Variants in ZNF585A observed in about 807,000 individuals in gnomAD.
ZNF585A encodes zinc finger protein 585A.
In ZNF585A, 9 loss-of-function variants were observed where a neutral mutation model predicts 14.9. That is an observed-to-expected ratio of 0.60 (90% confidence interval 0.36 to 1.05). The LOEUF (loss-of-function observed/expected upper bound fraction) is 1.05, where lower values mean the gene tolerates loss of function less well. Ranked by LOEUF, ZNF585A falls within the 50% of genes least tolerant of loss-of-function variation. ZNF585A has a pLI of 0.01. For missense variants in ZNF585A, 726 were observed against 926.4 expected (o/e 0.78, Z 2.81); for synonymous variants, 276 against 319.9 (o/e 0.86, Z 1.46).
At chr19:37,163,072 A>AC (rs1001269564) in intron 2 of ZNF585A, among the ~76,000 whole-genome samples, 4 of 151,960 alleles carry the variant, frequency 2.6e-5, no homozygotes. Flanking sequence ...CACACACTGA[A>AC]CCCCCAGCCC....
intron 2 of ZNF585A, among the ~76,000 whole-genome samples, chr19:37,158,032 C>T (rs994922763): frequency 1.6e-4 from 25 of 151,670 alleles, no homozygotes; most frequent in Admixed American, 5.3e-4. Context: ...GGATTACAGG[C>T]GCACGCCACC....
chr19:37,165,734 G>A, intron 2 of ZNF585A: 1 of 811,030 alleles, frequency 1.2e-6, no homozygotes, highest in Non-Finnish European at 1.5e-6. Context: ...AAGCAAGGTT[G>A]AGAATAATTT....
chr19:37,157,646 G>C (rs1351908966), intron 2 of ZNF585A, among the ~76,000 whole-genome samples: 1 of 152,174 alleles, frequency 6.6e-6, no homozygotes, highest in Non-Finnish European at 1.5e-5. Context: ...GCCCAGAAAA[G>C]ACAAGAATAA....
At chr19:37,164,247 C>CA (rs373376204) in intron 2 of ZNF585A, among the ~76,000 whole-genome samples, 2,189 of 151,752 alleles carry the variant, frequency 0.014, 50 homozygotes, top group African/African-American at 0.05. Context: ...ACCAAAAATA[C>CA]AAAAAATTAG....
In ZNF585A at chr19:37,146,008, T is replaced by C. The variant is rs1971738773; in HGVS notation, c.*5581A>G. 6.6e-6 allele frequency: 1 copy of C among 152,220 alleles called. No individual in the cohort carries two copies. The highest frequency in any genetic ancestry group is 6.5e-5 in the Admixed American group (1 of 15,278). 9.4% of individuals were successfully genotyped at this position (152,220 alleles called of 1,614,324 possible). On this transcript the variant is annotated 3_prime_UTR_variant, in exon 5 of 5. Coordinates refer to ENST00000292841, the MANE Select transcript of ZNF585A (RefSeq NM_001288800.2). Reference sequence around the variant, plus strand: ...GAATTAAGTAAAACTGTAAGTGGTATGCTATGGCATGGTGTACGGTATGGT... The same window carrying C: ...GAATTAAGTAAAACTGTAAGTGGTACGCTATGGCATGGTGTACGGTATGGT...
At position 37,147,341 on chromosome 19, in the gene ZNF585A, A is replaced by T. The variant is rs1474436505; in HGVS notation, c.*4248T>A. ...TGGAGAAGCAGAGCACTCTCAGAAC[A>T]GTCGGTGCAAAGGCCCAAAGCCAGA... On this transcript the variant is annotated 3_prime_UTR_variant, in exon 5 of 5. Coordinates refer to ENST00000292841, the MANE Select transcript of ZNF585A (RefSeq NM_001288800.2). 1 of 152,260 alleles carries T rather than the reference A, an allele frequency of 6.6e-6. No homozygotes were observed. Among genetic ancestry groups the T allele is most frequent in the Non-Finnish European group, 1.5e-5 (1 of 68,060 alleles). The allele number at this position is 152,260 out of a possible 1,614,324, so 9.4% of individuals were successfully genotyped here. A position where few individuals can be genotyped will look rare whatever the true frequency, so the allele number is the denominator to read the frequency against.
At chr19:37,164,387 A>G (rs1322233467) in intron 2 of ZNF585A, among the ~76,000 whole-genome samples, 1 of 149,778 alleles carries the variant, frequency 6.7e-6, no homozygotes, top group Non-Finnish European at 1.5e-5. Flanking sequence ...GGGGCGACAC[A>G]GCAAGACACT....
At chr19:37,162,220 G>A (rs560312741) in intron 2 of ZNF585A, among the ~76,000 whole-genome samples, 2 of 152,310 alleles carry the variant, frequency 1.3e-5, no homozygotes, top group Non-Finnish European at 2.9e-5. Flanking sequence ...CACCACGCCC[G>A]GCCTAAAAGT....
intron 1 of ZNF585A, among the ~76,000 whole-genome samples, chr19:37,170,602 G>A (rs1246556271): frequency 6.6e-6 from 1 of 152,190 alleles, no homozygotes; most frequent in African/African-American, 2.4e-5. Context: ...TCCTGCCTCA[G>A]CCTCCCAAGT....
chr19:37,163,765 A>T (rs28418805), intron 2 of ZNF585A, among the ~76,000 whole-genome samples: 1 of 152,042 alleles, frequency 6.6e-6, no homozygotes, highest in Non-Finnish European at 1.5e-5. Flanking sequence ...ACACACAAAA[A>T]CAAAAAAGAA....
intron 1 of ZNF585A, chr19:37,172,317 A>G (rs1437567120): frequency 6.6e-6 from 1 of 152,226 alleles, no homozygotes; most frequent in Non-Finnish European, 1.5e-5. Flanking sequence ...ATATTAAAGA[A>G]GACTGAAAAT....
intron 2 of ZNF585A, among the ~76,000 whole-genome samples, chr19:37,163,558 C>T (rs9676761): frequency 0.11 from 16,784 of 150,994 alleles, 1,747 homozygotes; most frequent in African/African-American, 0.28. Context: ...CAACATGAGA[C>T]GGAAATAAAG....
In ZNF585A at chr19:37,151,686, G is replaced by C; in HGVS notation, c.2213C>G (p.Thr738Arg). ...TDRSNLNKHQ[T>R]THTGDKPYKC... is the part of the protein sequence containing the mutation. Reference sequence around the variant, plus strand: ...GTAGGGTTTGTCTCCAGTGTGTGTTGTCTGATGTTTATTCAAATTGGACCT... The same window carrying C: ...GTAGGGTTTGTCTCCAGTGTGTGTTCTCTGATGTTTATTCAAATTGGACCT... The change falls in exon 5 of 5, where the codon ACA becomes AGA. Residue 738 changes from threonine to arginine, a missense_variant. Coordinates refer to ENST00000292841, the MANE Select transcript of ZNF585A (RefSeq NM_001288800.2). 1 of 1,614,132 alleles carries C rather than the reference G, an allele frequency of 6.2e-7. No homozygotes were observed. Among genetic ancestry groups the C allele is most frequent in the East Asian group, 2.2e-5 (1 of 44,874 alleles).
chr19:37,168,652 G>A (rs1404563228), intron 2 of ZNF585A, among the ~76,000 whole-genome samples: 1 of 152,180 alleles, frequency 6.6e-6, no homozygotes, highest in Non-Finnish European at 1.5e-5. Flanking sequence ...AGGAACAGAA[G>A]TAGAGGTTCA....
At chr19:37,164,258 C>G (rs1370435595) in intron 2 of ZNF585A, among the ~76,000 whole-genome samples, 1 of 151,924 alleles carries the variant, frequency 6.6e-6, no homozygotes. Context: ...AAAAAATTAG[C>G]AGGGCGTGGT....
At position 37,153,381 on chromosome 19, in the gene ZNF585A, A is replaced by C; in HGVS notation, c.518T>G (p.Phe173Cys). The C allele has an allele frequency of 6.2e-7, 1 of 1,613,978 alleles. No individual in the cohort carries two copies. The highest frequency in any genetic ancestry group is 1.3e-5 in the African/African-American group (1 of 75,012). Residue 173 changes from phenylalanine to cysteine, a missense_variant, in exon 5 of 5, where the codon TTT (phenylalanine) becomes TGT (cysteine). Physicochemically the swap from Phe to Cys is radical, Grantham distance 205. Coordinates refer to ENST00000292841, the MANE Select transcript of ZNF585A (RefSeq NM_001288800.2). ...CATATGGGTTTTCTGGTGTATAATAAATTCTGGCTTCTGTACAAAAGCCTT... is the reference window on the plus strand; with the variant it reads ...CATATGGGTTTTCTGGTGTATAATACATTCTGGCTTCTGTACAAAAGCCTT... ...CGKAFVQKPE[F>C]IIHQKTHMRE...
chr19:37,152,194 G>A lies in ZNF585A; in HGVS notation c.1705C>T (p.Gln569Ter), dbSNP rs757867472. The change falls in exon 5 of 5, where the codon CAG becomes TAG. Residue 569 changes from glutamine (Q) to a stop codon, truncating the protein, a stop_gained. Transcript: ENST00000292841. LOFTEE classifies it low-confidence loss of function (END_TRUNC). ...GGTTTCTCTCCTGTATGAATTTTCT[G>A]ATGAACAATGAGTATTGATTTCTGG... ...FNQKSILIVH[Q>*]KIHTGEKPYV... 1 of 1,612,732 alleles carries A rather than the reference G, an allele frequency of 6.2e-7. No homozygotes were observed. The highest frequency in any genetic ancestry group is 1.1e-5 in the South Asian group (1 of 90,928).
chr19:37,155,190 C>T (rs888365744), intron 4 of ZNF585A, among the ~76,000 whole-genome samples: 4 of 151,638 alleles, frequency 2.6e-5, no homozygotes, highest in East Asian at 2.0e-4. Context: ...TTAGGAGAGA[C>T]GGGGTTTCAC....
rs141692627 is a variant in ZNF585A at position 37,161,965 on chromosome 19, C to T, written c.73-5610G>A. ...TTGAGATGGAGTTTCACTCTGTTAC[C>T]CAGGCTGCAGTGCAGTGGCGCAATC... On this transcript the variant is annotated intron_variant, in intron 2 of 4. Coordinates refer to ENST00000292841, the MANE Select transcript of ZNF585A (RefSeq NM_001288800.2). Among the ~76,000 whole-genome samples the T allele has an allele frequency of 9.2e-5, 14 of 152,160 alleles. No homozygotes were observed. The East Asian group carries it at 2.7e-3, about 29-fold the overall frequency.
Sources: allele counts gnomAD v4.1 joint callset (sites outside exome capture counted in the v4.1 genomes callset), GRCh38; gene constraint gnomAD v4.1.1; transcripts MANE v1.5; gene names NCBI Gene and HGNC (gene_info 2026-07-23, HGNC 2026-07-21).